DOCK2: variants seen among roughly 807,000 people sequenced by gnomAD.
The protein encoded by DOCK2 is dedicator of cytokinesis 2, also known as dedicator of cytokinesis protein 2.
In DOCK2, 87 loss-of-function variants were observed where a neutral mutation model predicts 248.9. The ratio of observed to expected loss-of-function variants is 0.35; its 90% confidence interval spans 0.29 to 0.42. The LOEUF (loss-of-function observed/expected upper bound fraction) is 0.42. DOCK2 is among the 10% of genes least tolerant of loss of function. The probability of loss-of-function intolerance (pLI) is 1.00; values close to 1 mark genes in which losing one functional copy is unlikely to be tolerated. For synonymous variants in DOCK2, 805 were observed against 821.6 expected, an observed-to-expected ratio of 0.98 and a Z score of 0.35; for missense variants, 1,747 against 2,300.2, an observed-to-expected ratio of 0.76 and a Z score of 4.92.
At position 170,081,770 on chromosome 5, in the gene DOCK2, C is replaced by G. The variant is rs867118674; in HGVS notation, c.5288-72C>G. ...CTGGCTCTGTCCCCCAGCCCTCCCC[C>G]TGTCTACCTCCCCCAAGGCACTGCC... is the stretch of plus-strand genomic sequence containing the variant. On this transcript the variant is annotated intron_variant, in intron 50 of 51. Transcript: ENST00000520908. 2.3e-4 allele frequency: 322 copies of G among 1,370,220 alleles called. 2 individuals are homozygous for G. Among genetic ancestry groups the G allele is most frequent in the Non-Finnish European group, 2.4e-4 (250 of 1,026,400 alleles). The allele number at this position is 1,370,220 out of a possible 1,614,324, so 84.9% of individuals were successfully genotyped here.
At chr5:170,063,455 C>CA (rs1757397981) in intron 44 of DOCK2, among the ~76,000 whole-genome samples, 1 of 152,260 alleles carries the variant, frequency 6.6e-6, no homozygotes, top group East Asian at 1.9e-4. Context: ...CAGAAATTAA[C>CA]AGCTCCCATT....
At chr5:169,987,574 G>A (rs531572395) in intron 29 of DOCK2, among the ~76,000 whole-genome samples, 15 of 152,180 alleles carry the variant, frequency 9.9e-5, no homozygotes, top group Non-Finnish European at 1.9e-4. Context: ...CTGTCCACAC[G>A]GTCCTTCTGG....
intron 22 of DOCK2, among the ~76,000 whole-genome samples, chr5:169,740,729 G>A (rs1056180999): frequency 2.0e-5 from 3 of 152,188 alleles, no homozygotes; most frequent in Non-Finnish European, 4.4e-5. Flanking sequence ...TACATATTCT[G>A]TTTCTCATGA....
intron 27 of DOCK2, among the ~76,000 whole-genome samples, chr5:169,981,904 C>T (rs1041083843): frequency 8.5e-5 from 13 of 152,132 alleles, no homozygotes; most frequent in African/African-American, 2.9e-4. Context: ...GAAGCCAAAA[C>T]ATTCATGCGA....
At chr5:169,780,309 G>C (rs555400233) in intron 25 of DOCK2, among the ~76,000 whole-genome samples, 4 of 135,266 alleles carry the variant, frequency 3.0e-5, no homozygotes, top group South Asian at 4.7e-4. Context: ...GTGTGTGTGT[G>C]TGTGTGTGTG....
chr5:169,795,023 T>A (rs938495578), intron 25 of DOCK2, among the ~76,000 whole-genome samples: 2 of 152,148 alleles, frequency 1.3e-5, no homozygotes, highest in Non-Finnish European at 2.9e-5. Flanking sequence ...CAAGACCCCA[T>A]CCCTACACAC....
In DOCK2 at chr5:169,803,173, C is replaced by T; in HGVS notation, c.2670C>T (p.Asn890=). 6.2e-7 allele frequency: 1 copy of T among 1,614,038 alleles called. No homozygotes were observed. Among genetic ancestry groups the T allele is most frequent in the Non-Finnish European group, 8.5e-7 (1 of 1,179,980 alleles). The stretch of plus-strand genomic sequence containing the variant: ...GGAAGTACTGCGTTGAATTGCTCAA[C>T]AGCATCTTGGAAGTCCTTAGCTACC... ...LERKYCVELL[N]SILEVLSYQD... is the part of the protein sequence containing the mutation. Residue 890 remains asparagine (N), a synonymous_variant, in exon 26 of 52, where the codon AAC becomes AAT. Coordinates refer to ENST00000520908, the MANE Select transcript of DOCK2 (RefSeq NM_004946.3).
intron 12 of DOCK2, 93 bp from the exon 13 acceptor site, chr5:169,699,921 T>A (rs1760867235): frequency 2.6e-5 from 41 of 1,555,438 alleles, no homozygotes; most frequent in Non-Finnish European, 3.5e-5. Context: ...TTCCCAGTGA[T>A]CTCCAGAAAG....
intron 44 of DOCK2, among the ~76,000 whole-genome samples, chr5:170,065,123 G>A (rs1187792408): frequency 6.6e-6 from 1 of 152,136 alleles, no homozygotes; most frequent in South Asian, 2.1e-4. Context: ...TAAAACATGG[G>A]AGGAGAGGGA....
intron 41 of DOCK2, among the ~76,000 whole-genome samples, chr5:170,053,022 A>G (rs779792988): frequency 2.6e-5 from 4 of 152,234 alleles, no homozygotes; most frequent in Non-Finnish European, 5.9e-5. Context: ...TTTCTCACTT[A>G]GGTATCCAAG....
intron 27 of DOCK2, among the ~76,000 whole-genome samples, chr5:169,975,654 G>C (rs1286930361): frequency 6.6e-6 from 1 of 152,168 alleles, no homozygotes; most frequent in Non-Finnish European, 1.5e-5. Context: ...AGGCCACTAT[G>C]ATCCATCCTA....
intron 27 of DOCK2, among the ~76,000 whole-genome samples, chr5:169,893,214 T>G (rs1465125510): frequency 1.3e-5 from 2 of 152,212 alleles, no homozygotes; most frequent in African/African-American, 2.4e-5. Flanking sequence ...CTGTGGTACA[T>G]TCACCCCTCT....
At chr5:169,708,571 T>C (rs1404686967) in intron 15 of DOCK2, among the ~76,000 whole-genome samples, 4 of 150,934 alleles carry the variant, frequency 2.7e-5, no homozygotes, top group African/African-American at 4.9e-5. Flanking sequence ...CATTCTTCTT[T>C]TTTTTTTTTT....
intron 27 of DOCK2, among the ~76,000 whole-genome samples, chr5:169,938,231 T>A (rs186890053): frequency 1.3e-5 from 2 of 152,182 alleles, no homozygotes; most frequent in Admixed American, 1.3e-4. Context: ...TCTTCTTTTT[T>A]TTTTTTTTAG....
At chr5:169,966,817 A>G (rs1051219228) in intron 27 of DOCK2, among the ~76,000 whole-genome samples, 4 of 152,244 alleles carry the variant, frequency 2.6e-5, no homozygotes, top group Admixed American at 6.5e-5. Context: ...GGCTCCAGCC[A>G]TCATGCAATG....
chr5:169,919,969 A>T (rs114680488), intron 27 of DOCK2, among the ~76,000 whole-genome samples: 2,237 of 152,360 alleles, frequency 0.015, 54 homozygotes, highest in African/African-American at 0.051. Flanking sequence ...TGTGTTAATG[A>T]ACACATACTT....
At chr5:170,033,580 C>T (rs1203637321) in intron 34 of DOCK2, among the ~76,000 whole-genome samples, 1 of 152,132 alleles carries the variant, frequency 6.6e-6, no homozygotes, top group Admixed American at 6.5e-5. Flanking sequence ...AGTAGAGACA[C>T]GGATGCTGGG....
chr5:169,887,179 T>A (rs1773020688), intron 27 of DOCK2, among the ~76,000 whole-genome samples: 1 of 152,152 alleles, frequency 6.6e-6, no homozygotes, highest in African/African-American at 2.4e-5. Context: ...GCAAGCAGGT[T>A]TCAAACTCCC....
chr5:169,656,795 AG>A lies in DOCK2; in HGVS notation c.127+2311del, dbSNP rs1198101510. On this transcript the variant is annotated intron_variant, in intron 2 of 51. Transcript: ENST00000520908. ...GCTTGAGGGAATAAACCTCCCACACAGGCTGCCATAGTCAGAGCCTTGCCAG... is the reference window on the plus strand; with the variant it reads ...GCTTGAGGGAATAAACCTCCCACACAGCTGCCATAGTCAGAGCCTTGCCAG... Among the ~76,000 whole-genome samples the A allele has an allele frequency of 4.6e-5, 7 of 152,336 alleles. No individual in the cohort carries two copies. In the East Asian group the frequency reaches 1.2e-3, roughly 25 times the overall value.
Sources: gnomAD v4.1 joint callset for allele counts (sites outside exome capture counted in the v4.1 genomes callset) on GRCh38, gnomAD v4.1.1 for gene constraint, MANE v1.5 for transcripts, NCBI Gene and HGNC (gene_info 2026-07-23, HGNC 2026-07-21) for gene names.